Variants in OPHN1 observed in about 807,000 individuals in gnomAD.
OPHN1 encodes oligophrenin-1.
In OPHN1, 11 loss-of-function variants were observed where a neutral mutation model predicts 60.7. The ratio of observed to expected loss-of-function variants is 0.18; its 90% CI spans 0.11 to 0.30. The LOEUF (loss-of-function observed/expected upper bound fraction) is 0.30. Among genes scored for constraint, OPHN1 ranks in the 10% least tolerant of loss-of-function variants. The pLI is 1.00. For synonymous variants in OPHN1, 226 were observed against 222.6 expected, an observed-to-expected ratio of 1.02 and a Z score of -0.14; for missense variants, 449 against 611.0, an observed-to-expected ratio of 0.73 and a Z score of 2.80.
At chrX:68,426,319 T>TA (rs2078855691) in intron 2 of OPHN1, among the ~76,000 whole-genome samples, 2 of 107,511 alleles carry the variant, frequency 1.9e-5, no homozygotes, top group Non-Finnish European at 3.9e-5. Flanking sequence ...CGCACGCCTG[T>TA]AATTCCAGCT....
At chrX:68,342,014 G>T in intron 2 of OPHN1, among the ~76,000 whole-genome samples, 1 of 93,695 alleles carries the variant, frequency 1.1e-5, no homozygotes, top group Non-Finnish European at 2.1e-5. Context: ...CTGTCATCCA[G>T]GCTAAAGTGC....
chrX:68,338,412 G>A (rs2078334573), intron 2 of OPHN1, among the ~76,000 whole-genome samples: 1 of 111,603 alleles, frequency 9.0e-6, no homozygotes, highest in Admixed American at 9.6e-5. Flanking sequence ...ATGGCCACAG[G>A]AATAAAATTA....
intron 20 of OPHN1, chrX:68,071,193 C>A: frequency 1.5e-6 from 1 of 668,237 alleles, no homozygotes; most frequent in East Asian, 3.2e-5. Flanking sequence ...CAAAGTAGTT[C>A]AGCTCCTTCT....
chrX:68,311,252 G>A (rs1201521285), intron 2 of OPHN1, among the ~76,000 whole-genome samples: 1 of 111,423 alleles, frequency 9.0e-6, no homozygotes, highest in Non-Finnish European at 1.9e-5. Context: ...CTCCAGGCTA[G>A]GCAACAGAGC....
chrX:68,383,230 A>C (rs1209620781), intron 2 of OPHN1, among the ~76,000 whole-genome samples: 2 of 111,104 alleles, frequency 1.8e-5, no homozygotes, highest in Non-Finnish European at 3.8e-5. Context: ...GTCACCTCTC[A>C]TCTCAGACCA....
At chrX:68,087,694 T>C (rs1334228227) in intron 19 of OPHN1, among the ~76,000 whole-genome samples, 2 of 111,951 alleles carry the variant, frequency 1.8e-5, no homozygotes, top group Non-Finnish European at 3.8e-5. Flanking sequence ...ACATTTTGCC[T>C]TTCTATAAAT....
chrX:68,169,678 G>A (rs144982836), intron 15 of OPHN1, among the ~76,000 whole-genome samples: 23,561 of 109,211 alleles, frequency 0.22, 2,359 homozygotes, highest in African/African-American at 0.33. Context: ...CAAGCAATGG[G>A]GAAAGGATTC....
At chrX:68,376,495 C>T (rs1386258223) in intron 2 of OPHN1, among the ~76,000 whole-genome samples, 1 of 111,171 alleles carries the variant, frequency 9.0e-6, no homozygotes, top group African/African-American at 3.3e-5. Context: ...AGAGAAAGAT[C>T]ATGGAACTAC....
At chrX:68,407,031 C>G (rs749351023) in intron 2 of OPHN1, among the ~76,000 whole-genome samples, 2 of 111,786 alleles carry the variant, frequency 1.8e-5, no homozygotes, top group Non-Finnish European at 1.9e-5. Flanking sequence ...TGGTGAAACC[C>G]GGTCTCTACT....
intron 2 of OPHN1, among the ~76,000 whole-genome samples, chrX:68,432,566 A>G (rs936969616): frequency 7.2e-5 from 8 of 111,848 alleles, no homozygotes; most frequent in Non-Finnish European, 1.5e-4. Context: ...AGTACAGCAG[A>G]TTGTCCCTTA....
chrX:68,294,932 G>C lies in OPHN1; in HGVS notation c.250+4069C>G, dbSNP rs187654046. Among the ~76,000 whole-genome samples, 7 of 112,119 alleles carry C rather than the reference G, an allele frequency of 6.2e-5. No individual in the cohort carries two copies. The East Asian group carries it at 1.7e-3, about 27-fold the overall frequency. ...CCATTTTTCAAGCAAATTCTTACAT[G>C]AAAGCCCAATATAAACCGCTGTTTC... On this transcript the variant is annotated intron_variant, in intron 3 of 24. Transcript: ENST00000355520.
intron 2 of OPHN1, among the ~76,000 whole-genome samples, chrX:68,388,666 G>T (rs768376489): frequency 9.1e-6 from 1 of 110,484 alleles, no homozygotes; most frequent in Non-Finnish European, 1.9e-5. Flanking sequence ...ATTCACAGAT[G>T]AAATGATATG....
chrX:68,128,502 G>C (rs1230089637), intron 15 of OPHN1, among the ~76,000 whole-genome samples: 2 of 74,003 alleles, frequency 2.7e-5, no homozygotes, highest in African/African-American at 6.9e-5. Flanking sequence ...GTATGTGTGT[G>C]GGAGAGAGAG....
chrX:68,093,191 A>G (rs1034739815), intron 19 of OPHN1, among the ~76,000 whole-genome samples: 3 of 111,202 alleles, frequency 2.7e-5, no homozygotes, highest in Non-Finnish European at 3.8e-5. Context: ...AACACATAAC[A>G]AAGATCTAGA....
intron 20 of OPHN1, among the ~76,000 whole-genome samples, chrX:68,066,103 G>A (rs1402687062): frequency 8.9e-6 from 1 of 112,347 alleles, no homozygotes; most frequent in East Asian, 2.8e-4. Context: ...CAAATAACTA[G>A]AGCCTCTGGC....
At chrX:68,052,642 G>T in intron 22 of OPHN1, 52 bp from the exon 23 acceptor site, 2 of 1,068,875 alleles carry the variant, frequency 1.9e-6, no homozygotes, top group Non-Finnish European at 2.6e-6. Context: ...ATACACGTGA[G>T]AACCAATGGC....
chrX:68,133,394 T>G (rs2077206098), intron 15 of OPHN1: 2 of 794,448 alleles, frequency 2.5e-6, no homozygotes, highest in Non-Finnish European at 3.8e-6. Context: ...TCACACATGA[T>G]CAGATTATGC....
At chrX:68,308,601 A>AAAAAG (rs202118099) in intron 2 of OPHN1, among the ~76,000 whole-genome samples, 10,151 of 108,758 alleles carry the variant, frequency 0.093, 918 homozygotes, top group African/African-American at 0.26. Context: ...CACGAAAAGA[A>AAAAAG]AAAAGAAAAG....
intron 2 of OPHN1, among the ~76,000 whole-genome samples, chrX:68,313,524 G>T (rs2078184117): frequency 8.9e-6 from 1 of 111,988 alleles, no homozygotes; most frequent in Non-Finnish European, 1.9e-5. Context: ...AAAAAAGAAT[G>T]AAATCCTGTC....
Sources: gnomAD v4.1 joint callset for allele counts (sites outside exome capture counted in the v4.1 genomes callset) on GRCh38, gnomAD v4.1.1 for gene constraint, MANE v1.5 for transcripts, NCBI Gene and HGNC (gene_info 2026-07-23, HGNC 2026-07-21) for gene names.